Variants in GIGYF2 observed in about 807,000 individuals in gnomAD.
The protein encoded by GIGYF2 is GRB10 interacting GYF protein 2, also known as GRB10-interacting GYF protein 2.
A neutral mutation model predicts 208.1 loss-of-function variants in GIGYF2; 25 were observed. The ratio of observed to expected loss-of-function variants is 0.12; its 90% CI spans 0.09 to 0.17. GIGYF2 has a LOEUF of 0.17. GIGYF2 is among the 10% of genes least tolerant of loss of function. GIGYF2 has a pLI of 1.00. For synonymous variants in GIGYF2, 534 were observed against 543.8 expected, an observed-to-expected ratio of 0.98 and a Z score of 0.25; for missense variants, 1,302 against 1,579.4, an observed-to-expected ratio of 0.82 and a Z score of 2.98.
chr2:232,724,891 T>G (rs887716165), intron 2 of GIGYF2, among the ~76,000 whole-genome samples: 1 of 152,150 alleles, frequency 6.6e-6, no homozygotes, highest in Non-Finnish European at 1.5e-5. Flanking sequence ...TTAAAAAAAA[T>G]GTACCACTAC....
chr2:232,817,224 A>G (rs899363903), intron 20 of GIGYF2, among the ~76,000 whole-genome samples, 192 bp downstream of exon 20: 2 of 152,218 alleles, frequency 1.3e-5, no homozygotes, highest in African/African-American at 2.4e-5. Context: ...CAGTCCTAGT[A>G]AACCACTAGA....
chr2:232,811,760 A>G (rs912861107), intron 17 of GIGYF2, among the ~76,000 whole-genome samples: 1 of 152,244 alleles, frequency 6.6e-6, no homozygotes, highest in Non-Finnish European at 1.5e-5. Flanking sequence ...AAAGGAAATT[A>G]TGCTAGAAGT....
chr2:232,844,021 G>C, intron 23 of GIGYF2, 25 bp from the exon 24 acceptor site: 1 of 1,608,518 alleles, frequency 6.2e-7, no homozygotes, highest in Non-Finnish European at 8.5e-7. Flanking sequence ...GGAATCCTCA[G>C]CTAGCTTCTG....
chr2:232,821,913 C>G (rs577496707), intron 21 of GIGYF2, among the ~76,000 whole-genome samples: 2 of 148,536 alleles, frequency 1.3e-5, no homozygotes, highest in Non-Finnish European at 3.0e-5. Context: ...ATTTTTGATG[C>G]TTTTGTCAAA....
intron 2 of GIGYF2, among the ~76,000 whole-genome samples, chr2:232,724,207 A>ATTTTTTTTTTTTTTTTTT (rs1163865821): frequency 2.6e-5 from 3 of 114,228 alleles, no homozygotes; most frequent in African/African-American, 7.1e-5. Flanking sequence ...ACACCTGGCT[A>ATTTTTTTTTTTTTTTTTT]TTTTTTTTTT....
At chr2:232,797,981 CAAAA>C (rs57991158) in intron 14 of GIGYF2, among the ~76,000 whole-genome samples, 5,091 of 101,718 alleles carry the variant, frequency 0.05, 119 homozygotes, top group East Asian at 0.13. Context: ...ACTGTGCCTC[CAAAA>C]AAAAAAAAAA....
chr2:232,825,412 CTG>C (rs752654132), intron 21 of GIGYF2, among the ~76,000 whole-genome samples: 3 of 152,170 alleles, frequency 2.0e-5, no homozygotes, highest in Non-Finnish European at 4.4e-5. Flanking sequence ...TCATGGATGA[CTG>C]TGAGGGGTTC....
At chr2:232,800,280 T>C (rs554964541) in intron 14 of GIGYF2, among the ~76,000 whole-genome samples, 140 of 152,352 alleles carry the variant, frequency 9.2e-4, no homozygotes, top group Non-Finnish European at 1.6e-3. Flanking sequence ...CTTAGATCTT[T>C]GATCCATTTT....
At chr2:232,809,680 T>G in intron 15 of GIGYF2, 40 bp from the exon 16 acceptor site, 1 of 1,184,184 alleles carries the variant, frequency 8.4e-7, no homozygotes, top group Non-Finnish European at 1.3e-6. Context: ...TCTTTGCAGT[T>G]TATTTAATGG....
chr2:232,739,393 G>T (rs1697880952), intron 3 of GIGYF2, among the ~76,000 whole-genome samples: 1 of 133,450 alleles, frequency 7.5e-6, no homozygotes. Context: ...AAAGAAAAGG[G>T]TTAGGCATGG....
chr2:232,697,598 G>A (rs1410743251), intron 1 of GIGYF2, among the ~76,000 whole-genome samples: 1 of 152,234 alleles, frequency 6.6e-6, no homozygotes, highest in East Asian at 1.9e-4. Context: ...CAGGGCCGGA[G>A]GGAGCCTCCT....
At chr2:232,740,547 G>A (rs1697933342) in intron 3 of GIGYF2, among the ~76,000 whole-genome samples, 1 of 152,168 alleles carries the variant, frequency 6.6e-6, no homozygotes, top group South Asian at 2.1e-4. Flanking sequence ...GCCTTGTGGT[G>A]TATCTGTATA....
chr2:232,762,963 A>G (rs1698806891), intron 8 of GIGYF2, among the ~76,000 whole-genome samples: 1 of 152,040 alleles, frequency 6.6e-6, no homozygotes, highest in African/African-American at 2.4e-5. Flanking sequence ...TCGAGGCTGC[A>G]GTGAGCCGTG....
intron 2 of GIGYF2, among the ~76,000 whole-genome samples, chr2:232,707,845 C>T (rs1397194585): frequency 1.3e-5 from 2 of 152,060 alleles, no homozygotes; most frequent in South Asian, 2.1e-4. Context: ...ACCATGTTGG[C>T]CAGGCTGGTC....
intron 8 of GIGYF2, chr2:232,771,280 G>A: frequency 6.2e-7 from 1 of 1,609,972 alleles, no homozygotes; most frequent in Non-Finnish European, 8.5e-7. Context: ...CATTTGAAGT[G>A]TGCTGTGGCC....
Position 232,790,926 on chromosome 2 carries a change from T to G in GIGYF2, c.930+11T>G, listed in dbSNP as rs191393928. The G allele has an allele frequency of 6.2e-7, 1 of 1,612,950 alleles. No homozygotes were observed. Among genetic ancestry groups the G allele is most frequent in the East Asian group, 2.2e-5 (1 of 44,868 alleles). ...TTCCTTTCTCTAAAAGTAAGAAACG[T>G]GTTTTAAATGTCATGACCAGCATTA... On this transcript the variant is annotated intron_variant, in intron 10 of 28. Transcript: ENST00000373563.
Position 232,749,010 on chromosome 2 carries a change from A to G in GIGYF2, c.195A>G (p.Lys65=). The change falls in exon 5 of 29, where the codon AAA becomes AAG. Residue 65 remains lysine, a synonymous_variant. Coordinates refer to ENST00000373563, the MANE Select transcript of GIGYF2 (RefSeq NM_001103146.3). ...DNKIPSDLLD[K]EFLPILQEEP... ...AGATACCTTCAGACCTTCTGGATAA[A>G]GAATTTCTGCCTATCCTCCAGGAGG... 1 of 1,593,780 alleles carries G rather than the reference A, an allele frequency of 6.3e-7. No individual in the cohort carries two copies. Among genetic ancestry groups the G allele is most frequent in the African/African-American group, 1.3e-5 (1 of 74,620 alleles).
At position 232,850,265 on chromosome 2, in the gene GIGYF2, T is replaced by A; in HGVS notation, c.3688T>A (p.Ser1230Thr). The A allele has an allele frequency of 6.2e-7, 1 of 1,613,134 alleles. No homozygotes were observed. The highest frequency in any genetic ancestry group is 8.5e-7 in the Non-Finnish European group (1 of 1,179,040). Residue 1230 changes from serine to threonine, a missense_variant, in exon 28 of 29, where the codon TCT becomes ACT. Transcript: ENST00000373563. ...QPPQQPQQQD[S>T]VWGMNHSTLH... ...AGTCATGCTGCTTATTTCACAGGAC[T>A]CTGTGTGGGGGATGAACCACAGTAC...
At chr2:232,740,919 A>C (rs1357746577) in intron 3 of GIGYF2, among the ~76,000 whole-genome samples, 1 of 152,174 alleles carries the variant, frequency 6.6e-6, no homozygotes, top group Non-Finnish European at 1.5e-5. Flanking sequence ...TTTGGAAGCA[A>C]ATATTTGTTC....
Sources: gnomAD v4.1 joint callset for allele counts (sites outside exome capture counted in the v4.1 genomes callset) on GRCh38, gnomAD v4.1.1 for gene constraint, MANE v1.5 for transcripts, NCBI Gene and HGNC (gene_info 2026-07-23, HGNC 2026-07-21) for gene names.